L2HGDH: variants seen among roughly 807,000 people sequenced by gnomAD.
L2HGDH encodes L-2-hydroxyglutarate dehydrogenase, also known as L-2-hydroxyglutarate dehydrogenase, mitochondrial.
Under a neutral mutation model 51.5 loss-of-function variants are expected in L2HGDH, and 34 were observed. That is an observed-to-expected ratio of 0.66 (90% CI 0.50 to 0.88). The LOEUF (loss-of-function observed/expected upper bound fraction) is 0.88, where lower values mean the gene tolerates loss of function less well. L2HGDH is among the 40% of genes least tolerant of loss of function. The pLI, the probability that L2HGDH is intolerant of heterozygous loss-of-function variation, is 0.00. For missense variants in L2HGDH, 558 were observed against 571.9 expected (o/e 0.98, Z 0.25); for synonymous variants, 198 against 197.9 (o/e 1.00, Z -0.01).
chr14:50,288,829 C>T (rs980164289), intron 4 of L2HGDH, among the ~76,000 whole-genome samples: 4 of 152,314 alleles, frequency 2.6e-5, no homozygotes, highest in Middle Eastern at 6.8e-3. Context: ...ATAAAGCCAA[C>T]CTCCTCTGGT....
chr14:50,243,403 TTA>T lies in L2HGDH; in HGVS notation c.*3653_*3654del. 2 of 980,446 alleles carry T rather than the reference TTA, an allele frequency of 2.0e-6. No individual in the cohort carries two copies. Among genetic ancestry groups the T allele is most frequent in the Non-Finnish European group, 2.4e-6 (2 of 825,558 alleles). The allele number at this position is 980,446 out of a possible 1,614,324, so 60.7% of individuals were successfully genotyped here. On this transcript the variant is annotated 3_prime_UTR_variant, in exon 10 of 10. Coordinates refer to ENST00000267436, the MANE Select transcript of L2HGDH (RefSeq NM_024884.3). ...CTGCTATCTATCTAAAGCAAACAGTTTATGTTTTACACATAAAAAAATTTATT... is the reference window on the plus strand; with the variant it reads ...CTGCTATCTATCTAAAGCAAACAGTTTGTTTTACACATAAAAAAATTTATT...
intron 9 of L2HGDH, among the ~76,000 whole-genome samples, chr14:50,249,971 G>A (rs909910696): frequency 7.7e-6 from 1 of 129,876 alleles, no homozygotes; most frequent in African/African-American, 2.9e-5. Context: ...GCGTGACCTC[G>A]GCTCACTGCA....
At chr14:50,285,683 T>C (rs1485822898) in intron 4 of L2HGDH, among the ~76,000 whole-genome samples, 1 of 152,212 alleles carries the variant, frequency 6.6e-6, no homozygotes, top group African/African-American at 2.4e-5. Flanking sequence ...TCAATAGTTT[T>C]TTGCAATTCC....
rs1890424913 is a variant in L2HGDH at position 50,284,008 on chromosome 14, T to C, written c.566A>G (p.His189Arg). The C allele has an allele frequency of 6.2e-7, 1 of 1,614,138 alleles. No individual in the cohort carries two copies. ...CTGCCGATAGTCCACAATGCCAGTATGTGGACAATCAATAGCCATTAGACC... is the reference window on the plus strand; with the variant it reads ...CTGCCGATAGTCCACAATGCCAGTACGTGGACAATCAATAGCCATTAGACC... ...CRGLMAIDCP[H>R]TGIVDYRQVA... Residue 189 changes from histidine (H) to arginine (R), a missense_variant, in exon 5 of 10, where the codon CAT (histidine) becomes CGT (arginine). Coordinates refer to ENST00000267436, the MANE Select transcript of L2HGDH (RefSeq NM_024884.3).
At chr14:50,310,600 G>A (rs530021124) in intron 1 of L2HGDH, among the ~76,000 whole-genome samples, 1 of 152,120 alleles carries the variant, frequency 6.6e-6, no homozygotes, top group Non-Finnish European at 1.5e-5. Flanking sequence ...TGGGGAGGGG[G>A]GCTGAGGAGG....
At chr14:50,256,192 A>G (rs1160727680) in intron 9 of L2HGDH, among the ~76,000 whole-genome samples, 1 of 152,132 alleles carries the variant, frequency 6.6e-6, no homozygotes, top group African/African-American at 2.4e-5. Flanking sequence ...ACAATCTAGT[A>G]TTTTATAAAA....
chr14:50,263,719 T>A (rs1264175087), intron 9 of L2HGDH, among the ~76,000 whole-genome samples: 1 of 150,710 alleles, frequency 6.6e-6, no homozygotes. Flanking sequence ...GGGAAAAAAA[T>A]AGGTTTGGGT....
intron 3 of L2HGDH, among the ~76,000 whole-genome samples, chr14:50,297,342 T>G (rs932653909): frequency 4.6e-5 from 7 of 151,334 alleles, no homozygotes; most frequent in Non-Finnish European, 1.0e-4. Context: ...GACATGATCC[T>G]GCATATAGTA....
At chr14:50,293,965 C>A in intron 4 of L2HGDH, 150 bp downstream of exon 4, 16 of 907,796 alleles carry the variant, frequency 1.8e-5, no homozygotes, top group Non-Finnish European at 2.5e-5. Flanking sequence ...GAGTTTGTGA[C>A]AATGCCCTCT....
chr14:50,286,916 C>T (rs577921656), intron 4 of L2HGDH, among the ~76,000 whole-genome samples: 4 of 152,308 alleles, frequency 2.6e-5, no homozygotes, highest in African/African-American at 9.6e-5. Flanking sequence ...CTATAACCTC[C>T]TTCAGGTTGA....
chr14:50,294,093 C>T, intron 4 of L2HGDH, 22 bp downstream of exon 4: 1 of 1,613,006 alleles, frequency 6.2e-7, no homozygotes, highest in Non-Finnish European at 8.5e-7. Context: ...TAAATAAAAA[C>T]ATCCCTTTGT....
chr14:50,269,092 A>G, intron 7 of L2HGDH, 71 bp downstream of exon 7: 1 of 1,406,690 alleles, frequency 7.1e-7, no homozygotes. Context: ...CCCAAGTGAA[A>G]GTTGTTTTCA....
chr14:50,281,809 G>A (rs1053228281), intron 5 of L2HGDH, among the ~76,000 whole-genome samples: 7 of 152,058 alleles, frequency 4.6e-5, no homozygotes, highest in African/African-American at 1.7e-4. Context: ...AACTCTAAGA[G>A]AACATTTGCC....
At chr14:50,306,584 GTTTT>G (rs1390139868) in intron 1 of L2HGDH, among the ~76,000 whole-genome samples, 1 of 132,130 alleles carries the variant, frequency 7.6e-6, no homozygotes, top group Non-Finnish European at 1.6e-5. Context: ...TTTTTGGGGG[GTTTT>G]TTTGTTTTGG....
chr14:50,259,371 T>TTG, intron 9 of L2HGDH, among the ~76,000 whole-genome samples: 1 of 147,646 alleles, frequency 6.8e-6, no homozygotes, highest in Non-Finnish European at 1.5e-5. Context: ...TTTCGGTTTT[T>TTG]TTTTTTTTTT....
At chr14:50,265,595 G>T in intron 8 of L2HGDH, 106 bp from the exon 9 acceptor site, 1 of 1,067,546 alleles carries the variant, frequency 9.4e-7, no homozygotes, top group Non-Finnish European at 1.3e-6. Flanking sequence ...AAAAATCTAG[G>T]CAAAGTCAGA....
intron 6 of L2HGDH, among the ~76,000 whole-genome samples, chr14:50,271,769 T>C (rs763003825): frequency 1.3e-5 from 2 of 152,154 alleles, no homozygotes; most frequent in Non-Finnish European, 2.9e-5. Context: ...TGCTCTTTCA[T>C]AAGTGAAGCA....
intron 1 of L2HGDH, among the ~76,000 whole-genome samples, chr14:50,304,247 C>A (rs2030596445): frequency 6.6e-6 from 1 of 152,170 alleles, no homozygotes. Flanking sequence ...TCTTTGGTAT[C>A]ACCACTGTAC....
intron 9 of L2HGDH, among the ~76,000 whole-genome samples, chr14:50,263,858 C>T (rs1889185534): frequency 6.6e-6 from 1 of 151,020 alleles, no homozygotes; most frequent in South Asian, 2.1e-4. Flanking sequence ...TCACTGCAAC[C>T]TCTGCCTCCC....
Sources: allele counts gnomAD v4.1 joint callset (sites outside exome capture counted in the v4.1 genomes callset), GRCh38; gene constraint gnomAD v4.1.1; transcripts MANE v1.5; gene names NCBI Gene and HGNC (gene_info 2026-07-23, HGNC 2026-07-21).